HPSE2: variants seen among roughly 807,000 people sequenced by gnomAD.
The protein encoded by HPSE2 is heparanase 2 (inactive), also known as inactive heparanase-2.
HPSE2 carries 38 observed loss-of-function variants against 60.5 expected under a neutral mutation model. That is an observed-to-expected ratio of 0.63 (90% CI 0.48 to 0.82). The LOEUF is 0.82. Ranked by LOEUF, HPSE2 falls within the 40% of genes least tolerant of loss-of-function variation. The pLI is 0.00. For synonymous variants in HPSE2, 295 were observed against 293.2 expected (o/e 1.01, Z -0.06); for missense variants, 713 against 740.4 (o/e 0.96, Z 0.43).
intron 3 of HPSE2, among the ~76,000 whole-genome samples, chr10:98,841,997 G>A (rs575136214): frequency 3.9e-5 from 6 of 152,160 alleles, no homozygotes; most frequent in Admixed American, 2.0e-4. Context: ...TAGTAGAGAC[G>A]GGGTTTCACC....
At chr10:98,748,569 G>A (rs1342060451) in intron 3 of HPSE2, among the ~76,000 whole-genome samples, 1 of 152,126 alleles carries the variant, frequency 6.6e-6, no homozygotes, top group Non-Finnish European at 1.5e-5. Context: ...TGGATAGTGG[G>A]CAGTTGAAGA....
intron 3 of HPSE2, among the ~76,000 whole-genome samples, chr10:99,103,518 T>C (rs1319272562): frequency 6.6e-6 from 1 of 152,178 alleles, no homozygotes; most frequent in Non-Finnish European, 1.5e-5. Flanking sequence ...TCCATGCTCA[T>C]GGGTAGGAAG....
the HPSE2 span, among the ~76,000 whole-genome samples, chr10:99,301,294 T>C: frequency 6.6e-6 from 1 of 152,194 alleles, no homozygotes; most frequent in Non-Finnish European, 1.5e-5. Context: ...CCTCTTGCAA[T>C]ATGTAGATGA....
intron 3 of HPSE2, among the ~76,000 whole-genome samples, chr10:99,083,834 G>A (rs1023299543): frequency 6.6e-6 from 1 of 151,700 alleles, no homozygotes; most frequent in Non-Finnish European, 1.5e-5. Context: ...ATGTCTTGAA[G>A]GAAAAAGAAC....
At chr10:98,499,003 T>C (rs974309701) in intron 9 of HPSE2, among the ~76,000 whole-genome samples, 3 of 152,172 alleles carry the variant, frequency 2.0e-5, no homozygotes, top group Admixed American at 2.0e-4. Flanking sequence ...TCTCGGATTA[T>C]GTTAAATGAT....
At chr10:99,132,054 G>A (rs1845405772) in intron 3 of HPSE2, among the ~76,000 whole-genome samples, 1 of 151,392 alleles carries the variant, frequency 6.6e-6, no homozygotes, top group Non-Finnish European at 1.5e-5. Context: ...AGAGGTTGCA[G>A]AGAGCCAAGA....
chr10:98,727,824 G>A (rs909083750), intron 4 of HPSE2, among the ~76,000 whole-genome samples: 33 of 152,126 alleles, frequency 2.2e-4, no homozygotes, highest in African/African-American at 7.9e-4. Flanking sequence ...TCTCATACAG[G>A]AGAACACAAT....
At position 98,575,977 on chromosome 10, in the gene HPSE2, T is replaced by A. The variant is rs189614112; in HGVS notation, c.1320+38927A>T. ...TCCACTTAGTATTTTCATAAGCTGATACTTATAATTTAGGTGTTTATTGTC... is the reference window on the plus strand; with the variant it reads ...TCCACTTAGTATTTTCATAAGCTGAAACTTATAATTTAGGTGTTTATTGTC... On this transcript the variant is annotated intron_variant, in intron 9 of 11. Transcript: ENST00000370552. Among the ~76,000 whole-genome samples the A allele has an allele frequency of 4.6e-5, 7 of 152,336 alleles. No individual in the cohort carries two copies. The East Asian group carries it at 1.4e-3, about 29-fold the overall frequency.
intron 2 of HPSE2, among the ~76,000 whole-genome samples, chr10:99,208,618 G>A (rs975063005): frequency 2.6e-5 from 4 of 151,368 alleles, no homozygotes; most frequent in African/African-American, 4.8e-5. Flanking sequence ...CCAGCAGGTC[G>A]AGGCTGCAGT....
chr10:99,043,679 G>A (rs1403779589), intron 3 of HPSE2, among the ~76,000 whole-genome samples: 2 of 152,060 alleles, frequency 1.3e-5, no homozygotes, highest in African/African-American at 4.8e-5. Context: ...GAACCAAACT[G>A]AACTTCTAGA....
intron 3 of HPSE2, among the ~76,000 whole-genome samples, chr10:98,812,350 A>G (rs1422352473): frequency 6.6e-6 from 1 of 152,132 alleles, no homozygotes; most frequent in Non-Finnish European, 1.5e-5. Context: ...GAAAGACAGG[A>G]ATAAAGGGCT....
At chr10:98,956,342 G>A (rs1184993857) in intron 3 of HPSE2, among the ~76,000 whole-genome samples, 2 of 152,156 alleles carry the variant, frequency 1.3e-5, no homozygotes, top group East Asian at 1.9e-4. Context: ...AGAGCATGGT[G>A]TGTTCAGGCA....
chr10:99,095,576 G>C (rs1843692274), intron 3 of HPSE2, among the ~76,000 whole-genome samples: 1 of 152,184 alleles, frequency 6.6e-6, no homozygotes, highest in Non-Finnish European at 1.5e-5. Flanking sequence ...TCCAGTTCTA[G>C]TTAACTACTA....
chr10:99,257,964 A>G, the HPSE2 span, among the ~76,000 whole-genome samples: 1 of 152,042 alleles, frequency 6.6e-6, no homozygotes, highest in South Asian at 2.1e-4. Flanking sequence ...GGTTCTCCCG[A>G]TACCTGTCTC....
chr10:99,005,155 C>A (rs148951759), intron 3 of HPSE2, among the ~76,000 whole-genome samples: 28 of 152,162 alleles, frequency 1.8e-4, no homozygotes, highest in Non-Finnish European at 3.4e-4. Flanking sequence ...TGATTGAATA[C>A]CTTTGACCTT....
the HPSE2 span, among the ~76,000 whole-genome samples, chr10:99,258,011 T>C: frequency 1.3e-5 from 2 of 152,040 alleles, no homozygotes; most frequent in East Asian, 3.9e-4. Context: ...CGTGGTGGCG[T>C]GTGACTGTAG....
intron 3 of HPSE2, among the ~76,000 whole-genome samples, chr10:98,921,049 T>C (rs1954268826): frequency 6.6e-6 from 1 of 152,182 alleles, no homozygotes. Context: ...CACACTTGCA[T>C]CTAAATCCTG....
chr10:99,218,541 C>T (rs147908065), intron 2 of HPSE2, among the ~76,000 whole-genome samples: 14 of 152,150 alleles, frequency 9.2e-5, no homozygotes, highest in Admixed American at 3.3e-4. Flanking sequence ...TGAGAAATTT[C>T]ATTTTGAAAG....
rs1339666593 is a variant in HPSE2, at chr10:98,802,520, T to A, written c.611-58464A>T. ...AGAGTGTGATGTTCCCCTTCCTGTGTCCATGTGTTCTCATTGTTCAATTCC... is the reference window on the plus strand; with the variant it reads ...AGAGTGTGATGTTCCCCTTCCTGTGACCATGTGTTCTCATTGTTCAATTCC... On this transcript the variant is annotated intron_variant, in intron 3 of 11. Transcript: ENST00000370552. Among the ~76,000 whole-genome samples, 101 of 131,894 alleles carry A rather than the reference T, an allele frequency of 7.7e-4. 1 individual carries two copies. The highest frequency in any genetic ancestry group is 2.8e-3 in the African/African-American group (97 of 34,688). 86.5% of individuals were successfully genotyped at this position (131,894 alleles called of 152,430 possible). A position where few individuals can be genotyped will look rare whatever the true frequency, so the allele number is the denominator to read the frequency against.
Sources: allele counts gnomAD v4.1 joint callset (sites outside exome capture counted in the v4.1 genomes callset), GRCh38; gene constraint gnomAD v4.1.1; transcripts MANE v1.5; gene names NCBI Gene and HGNC (gene_info 2026-07-23, HGNC 2026-07-21).